Variants in AGBL1 observed in about 807,000 individuals in gnomAD.
AGBL1 encodes the protein cytosolic carboxypeptidase 4.
In AGBL1, 130 loss-of-function variants were observed where a neutral mutation model predicts 118.9. The observed-to-expected ratio is 1.09, with a 90% CI of 0.95 to 1.26. The LOEUF (loss-of-function observed/expected upper bound fraction) is 1.26, where lower values mean the gene tolerates loss of function less well. AGBL1 is among the 50% of genes most tolerant of loss of function. The pLI, the probability that AGBL1 is intolerant of heterozygous loss-of-function variation, is 0.00. For missense variants in AGBL1, 1,584 were observed against 1,298.1 expected (o/e 1.22, Z -3.38); for synonymous variants, 555 against 478.9 (o/e 1.16, Z -2.08).
At chr15:87,002,770 C>G (rs1267128506) in intron 24 of AGBL1, among the ~76,000 whole-genome samples, 2 of 152,138 alleles carry the variant, frequency 1.3e-5, no homozygotes, top group Non-Finnish European at 2.9e-5. Context: ...CATGATTTGG[C>G]TCTCTGTTTG....
At chr15:86,236,784 G>A (rs2078550942) in intron 6 of AGBL1, among the ~76,000 whole-genome samples, 1 of 151,858 alleles carries the variant, frequency 6.6e-6, no homozygotes, top group African/African-American at 2.4e-5. Flanking sequence ...TGGAGGAGGG[G>A]GTATCTGATT....
chr15:86,171,083 C>T (rs1444390507), intron 5 of AGBL1, among the ~76,000 whole-genome samples: 3 of 151,988 alleles, frequency 2.0e-5, no homozygotes, highest in Admixed American at 6.6e-5. Context: ...AAAGACTTTT[C>T]GGACATACAA....
chr15:86,413,688 T>C (rs1296711076), intron 18 of AGBL1, among the ~76,000 whole-genome samples: 1 of 152,206 alleles, frequency 6.6e-6, no homozygotes, highest in Non-Finnish European at 1.5e-5. Flanking sequence ...AAAATGTCTA[T>C]TCATACCCTT....
intron 24 of AGBL1, among the ~76,000 whole-genome samples, chr15:87,016,592 G>GAGAAA (rs1225112122): frequency 6.6e-6 from 1 of 152,200 alleles, no homozygotes; most frequent in Non-Finnish European, 1.5e-5. Context: ...CACTCATGGA[G>GAGAAA]AGAAAAGAAA....
At chr15:86,176,657 G>T (rs1217616774) in intron 5 of AGBL1, among the ~76,000 whole-genome samples, 1 of 152,168 alleles carries the variant, frequency 6.6e-6, no homozygotes, top group Non-Finnish European at 1.5e-5. Flanking sequence ...AGGGGCTGTT[G>T]GGCCCCAGGG....
chr15:86,871,073 A>G (rs1361311072), intron 22 of AGBL1, among the ~76,000 whole-genome samples: 1 of 152,324 alleles, frequency 6.6e-6, no homozygotes, highest in African/African-American at 2.4e-5. Flanking sequence ...GAAACATTCC[A>G]TGAAATTAGA....
At chr15:86,893,119 T>C (rs1446854796) in intron 22 of AGBL1, among the ~76,000 whole-genome samples, 1 of 152,096 alleles carries the variant, frequency 6.6e-6, no homozygotes, top group Non-Finnish European at 1.5e-5. Context: ...CTGCAAAAAC[T>C]GAGATGCAGC....
At chr15:86,764,182 A>G (rs1362727315) in intron 22 of AGBL1, among the ~76,000 whole-genome samples, 1 of 152,012 alleles carries the variant, frequency 6.6e-6, no homozygotes, top group Admixed American at 6.6e-5. Context: ...ATTGAACCTT[A>G]CAATATACAC....
rs1256275841 is a variant in AGBL1, at chr15:86,185,917, G to GT, written c.488+26894dup. On this transcript the variant is annotated intron_variant, in intron 5 of 22. Coordinates refer to ENST00000614907, the MANE Select transcript of AGBL1 (RefSeq NM_001386094.1). ...ACTTAGAGTATAATTTAAAAAAATC[G>GT]TTTCCAGTTTCTTAAAAAGGGGATT... Among the ~76,000 whole-genome samples, 3 of 151,928 alleles carry GT rather than the reference G, an allele frequency of 2.0e-5. No individual in the cohort carries two copies. The East Asian group carries it at 5.8e-4, about 29-fold the overall frequency.
chr15:86,507,378 G>T (rs1387722633), intron 18 of AGBL1, among the ~76,000 whole-genome samples: 4 of 152,066 alleles, frequency 2.6e-5, no homozygotes, highest in African/African-American at 9.7e-5. Flanking sequence ...AGAGACTGGA[G>T]AATTCATCCA....
chr15:87,015,203 A>G (rs1052249469), intron 24 of AGBL1, among the ~76,000 whole-genome samples: 1 of 152,094 alleles, frequency 6.6e-6, no homozygotes, highest in Non-Finnish European at 1.5e-5. Context: ...TGGATTGAGA[A>G]TTACACCACC....
intron 24 of AGBL1, among the ~76,000 whole-genome samples, chr15:86,999,189 AT>A (rs35078622): frequency 1.3e-5 from 2 of 149,862 alleles, no homozygotes; most frequent in Admixed American, 6.6e-5. Context: ...TGAACTCATC[AT>A]TTTTTTAATA....
At chr15:86,362,306 G>A (rs1260125265) in intron 17 of AGBL1, among the ~76,000 whole-genome samples, 5 of 151,904 alleles carry the variant, frequency 3.3e-5, no homozygotes, top group Non-Finnish European at 4.4e-5. Context: ...TTTTAACTTC[G>A]ATAGTAGAGT....
intron 22 of AGBL1, among the ~76,000 whole-genome samples, chr15:86,754,904 C>G (rs554138136): frequency 8.9e-4 from 136 of 152,208 alleles, no homozygotes; most frequent in African/African-American, 3.2e-3. Flanking sequence ...TATCCCTTCT[C>G]TCTCATATCC....
At chr15:86,173,032 A>G (rs1013772432) in intron 5 of AGBL1, among the ~76,000 whole-genome samples, 6 of 151,764 alleles carry the variant, frequency 4.0e-5, no homozygotes, top group African/African-American at 1.5e-4. Flanking sequence ...TGTCTTTTTG[A>G]TAACAGCCAT....
At chr15:86,274,494 G>T (rs191320289) in intron 15 of AGBL1, among the ~76,000 whole-genome samples, 5 of 152,156 alleles carry the variant, frequency 3.3e-5, no homozygotes, top group Admixed American at 2.0e-4. Context: ...GTTTAATTTA[G>T]GTAATACAAT....
In AGBL1 at chr15:86,923,943, C is replaced by A. The variant is rs76481438; in HGVS notation, c.3222-64044C>A. Reference sequence around the variant, plus strand: ...CCCATGAGGCCATGATATCATTACACCTTCCTGGAGCCATTACTCTAGATA... The same window carrying A: ...CCCATGAGGCCATGATATCATTACAACTTCCTGGAGCCATTACTCTAGATA... On this transcript the variant is annotated intron_variant, in intron 23 of 24. Transcript: ENST00000441037. Among the ~76,000 whole-genome samples the A allele has an allele frequency of 3.0e-4, 45 of 152,298 alleles. No homozygotes were observed. In the East Asian group the frequency reaches 7.1e-3, roughly 24 times the overall value.
At chr15:86,478,669 A>G (rs1012168068) in intron 18 of AGBL1, among the ~76,000 whole-genome samples, 8 of 152,220 alleles carry the variant, frequency 5.3e-5, no homozygotes, top group African/African-American at 1.4e-4. Flanking sequence ...AGGGTAATTT[A>G]TAGATTCAAT....
At chr15:86,561,930 T>G (rs1254370899) in intron 21 of AGBL1, among the ~76,000 whole-genome samples, 2 of 152,192 alleles carry the variant, frequency 1.3e-5, no homozygotes, top group East Asian at 3.9e-4. Flanking sequence ...TGAATGGGAG[T>G]TCACTCATGA....
Sources: allele counts gnomAD v4.1 joint callset (sites outside exome capture counted in the v4.1 genomes callset), GRCh38; gene constraint gnomAD v4.1.1; transcripts MANE v1.5; gene names NCBI Gene and HGNC (gene_info 2026-07-23, HGNC 2026-07-21).